SAMD5: variants seen among roughly 807,000 people sequenced by gnomAD.
The protein encoded by SAMD5 is sterile alpha motif domain containing 5.
SAMD5 carries 13 observed loss-of-function variants against 11.3 expected under a neutral mutation model. The ratio of observed to expected loss-of-function variants is 1.15; its 90% CI spans 0.75 to 1.83. The LOEUF (loss-of-function observed/expected upper bound fraction) is 1.83. Among genes scored for constraint, SAMD5 ranks in the 40% most tolerant of loss-of-function variants. The probability of loss-of-function intolerance (pLI) is 0.00; values close to 1 mark genes in which losing one functional copy is unlikely to be tolerated. For synonymous variants in SAMD5, 129 were observed against 111.3 expected (o/e 1.16, Z -1.00); for missense variants, 255 against 239.1 (o/e 1.07, Z -0.44).
intron 1 of SAMD5, among the ~76,000 whole-genome samples, chr6:147,529,870 T>C (rs995239213): frequency 6.6e-6 from 1 of 152,212 alleles, no homozygotes; most frequent in Admixed American, 6.5e-5. Flanking sequence ...TATTTCAGGA[T>C]TTCCCAGTTT....
chr6:147,839,419 T>C, the SAMD5 span, among the ~76,000 whole-genome samples: 1 of 152,204 alleles, frequency 6.6e-6, no homozygotes, highest in Non-Finnish European at 1.5e-5. Flanking sequence ...CAGAGTGTTA[T>C]ATTTGGATCA....
the SAMD5 span, among the ~76,000 whole-genome samples, chr6:147,929,310 A>G: frequency 6.6e-6 from 1 of 152,204 alleles, no homozygotes; most frequent in Non-Finnish European, 1.5e-5. Flanking sequence ...GAGTGGACAC[A>G]GGGAAATAAC....
chr6:147,813,855 T>A, the SAMD5 span, among the ~76,000 whole-genome samples: 1 of 152,236 alleles, frequency 6.6e-6, no homozygotes, highest in African/African-American at 2.4e-5. Flanking sequence ...TGTCTATATT[T>A]TAATTGTGAA....
chr6:147,853,067 T>A, the SAMD5 span, among the ~76,000 whole-genome samples: 1 of 152,196 alleles, frequency 6.6e-6, no homozygotes, highest in Non-Finnish European at 1.5e-5. Context: ...AATTCAAGCT[T>A]TGTTAGATTG....
intron 1 of SAMD5, among the ~76,000 whole-genome samples, chr6:147,582,709 T>A (rs903965290): frequency 6.6e-6 from 1 of 152,228 alleles, no homozygotes; most frequent in Non-Finnish European, 1.5e-5. Flanking sequence ...TTGTTTTGGC[T>A]TTTTCTCTCT....
intron 1 of SAMD5, among the ~76,000 whole-genome samples, chr6:147,685,309 G>C (rs1045355214): frequency 7.9e-5 from 12 of 152,088 alleles, no homozygotes; most frequent in Non-Finnish European, 1.6e-4. Flanking sequence ...CGATTCTCTT[G>C]ACTCAGCCTC....
the SAMD5 span, among the ~76,000 whole-genome samples, chr6:147,889,233 A>G: frequency 1.3e-5 from 2 of 152,026 alleles, no homozygotes; most frequent in Admixed American, 6.6e-5. Flanking sequence ...CAAGTTCACT[A>G]TTTTTTCTTC....
intron 1 of SAMD5, among the ~76,000 whole-genome samples, chr6:147,700,958 T>C (rs183468724): frequency 4.5e-4 from 69 of 152,062 alleles, no homozygotes; most frequent in African/African-American, 1.6e-3. Flanking sequence ...GAAGCAAGAG[T>C]CTTGTTAATG....
the SAMD5 span, among the ~76,000 whole-genome samples, chr6:147,945,867 A>G: frequency 2.0e-5 from 3 of 152,234 alleles, no homozygotes; most frequent in Admixed American, 6.5e-5. Flanking sequence ...ACGTGGTCAC[A>G]GCTGTTGTTG....
chr6:147,716,263 C>T (rs963272522), intron 1 of SAMD5, among the ~76,000 whole-genome samples: 2 of 152,370 alleles, frequency 1.3e-5, no homozygotes, highest in East Asian at 1.9e-4. Flanking sequence ...ATCAGTGCTG[C>T]TCTGGGTGTG....
At chr6:147,616,613 T>C (rs1370013162) in intron 1 of SAMD5, among the ~76,000 whole-genome samples, 1 of 152,184 alleles carries the variant, frequency 6.6e-6, no homozygotes, top group Admixed American at 6.5e-5. Flanking sequence ...TGTTAATAAA[T>C]AAATTCTAGT....
intron 1 of SAMD5, among the ~76,000 whole-genome samples, chr6:147,696,592 C>T (rs1200320660): frequency 6.6e-6 from 1 of 152,092 alleles, no homozygotes; most frequent in Non-Finnish European, 1.5e-5. Context: ...TGTGGATTCC[C>T]AGCATTTGAT....
At chr6:147,784,940 A>G in the SAMD5 span, among the ~76,000 whole-genome samples, 1 of 152,190 alleles carries the variant, frequency 6.6e-6, no homozygotes, top group Admixed American at 6.5e-5. Context: ...ATTTCATTCA[A>G]ATGCTAAACC....
At chr6:147,736,146 C>T (rs1276590531) in intron 1 of SAMD5, among the ~76,000 whole-genome samples, 2 of 152,066 alleles carry the variant, frequency 1.3e-5, no homozygotes, top group South Asian at 2.1e-4. Context: ...GATTATGCAA[C>T]GTTTGTGTGT....
intron 1 of SAMD5, among the ~76,000 whole-genome samples, chr6:147,720,730 G>A (rs1252554454): frequency 6.6e-6 from 1 of 150,702 alleles, no homozygotes; most frequent in African/African-American, 2.4e-5. Flanking sequence ...TCAGTTTTAG[G>A]GTACATGTGC....
chr6:147,824,698 T>C, the SAMD5 span, among the ~76,000 whole-genome samples: 3 of 152,210 alleles, frequency 2.0e-5, no homozygotes, highest in African/African-American at 7.2e-5. Flanking sequence ...ATTTAAAATT[T>C]AATGGAGAGA....
the SAMD5 span, among the ~76,000 whole-genome samples, chr6:147,782,065 C>T: frequency 6.6e-6 from 1 of 151,072 alleles, no homozygotes; most frequent in South Asian, 2.1e-4. Flanking sequence ...ATTCCAGGAG[C>T]TGATGGTGCA....
At chr6:147,892,567 C>G in the SAMD5 span, among the ~76,000 whole-genome samples, 1 of 152,292 alleles carries the variant, frequency 6.6e-6, no homozygotes, top group Middle Eastern at 3.4e-3. Context: ...CCTGTAGGTC[C>G]TGTCTTGGTT....
chr6:147,932,698 C>T, the SAMD5 span, among the ~76,000 whole-genome samples: 1 of 151,638 alleles, frequency 6.6e-6, no homozygotes, highest in Non-Finnish European at 1.5e-5. Context: ...AGGCACACCA[C>T]ACCTGCACCA....
Sources: allele counts gnomAD v4.1 joint callset (sites outside exome capture counted in the v4.1 genomes callset), GRCh38; gene constraint gnomAD v4.1.1; transcripts MANE v1.5; gene names NCBI Gene and HGNC (gene_info 2026-07-23, HGNC 2026-07-21).